RSU1: variants seen among roughly 807,000 people sequenced by gnomAD.
The protein encoded by RSU1 is rsu-1.
Under a neutral mutation model 31.1 loss-of-function variants are expected in RSU1, and 26 were observed. The ratio of observed to expected loss-of-function variants is 0.84; its 90% CI spans 0.61 to 1.16. RSU1 has a LOEUF of 1.16. Among genes scored for constraint, RSU1 ranks in the 50% most tolerant of loss-of-function variants. The pLI is 0.00. For synonymous variants in RSU1, 164 were observed against 136.3 expected, an observed-to-expected ratio of 1.20 and a Z score of -1.41; for missense variants, 320 against 339.1, an observed-to-expected ratio of 0.94 and a Z score of 0.44.
At chr10:16,774,305 G>A (rs1451910667) in intron 3 of RSU1, among the ~76,000 whole-genome samples, 1 of 152,096 alleles carries the variant, frequency 6.6e-6, no homozygotes, top group Non-Finnish European at 1.5e-5. Flanking sequence ...AATCTCCAAG[G>A]AGCATCTCCT....
intron 7 of RSU1, chr10:16,727,118 T>C (rs1564334377): frequency 8.8e-6 from 4 of 456,644 alleles, no homozygotes; most frequent in African/African-American, 2.0e-5. Context: ...TTTGCCAAGA[T>C]GCCTACCACA....
intron 3 of RSU1, among the ~76,000 whole-genome samples, chr10:16,774,904 G>C (rs1227423667): frequency 6.6e-6 from 1 of 152,120 alleles, no homozygotes; most frequent in East Asian, 1.9e-4. Flanking sequence ...AGGAGTTTGA[G>C]TCCAGCCTGG....
At chr10:16,595,768 A>C (rs1833600441) in intron 8 of RSU1, among the ~76,000 whole-genome samples, 1 of 152,058 alleles carries the variant, frequency 6.6e-6, no homozygotes, top group Non-Finnish European at 1.5e-5. Context: ...AGAGATGGAG[A>C]CCATCCTGGC....
chr10:16,728,963 C>T (rs1030242300), intron 7 of RSU1, among the ~76,000 whole-genome samples: 1 of 152,224 alleles, frequency 6.6e-6, no homozygotes, highest in Non-Finnish European at 1.5e-5. Context: ...CAGACTTCCG[C>T]CCTCCAGAAG....
intron 8 of RSU1, among the ~76,000 whole-genome samples, chr10:16,664,174 A>AGGCTTTAT (rs1416769828): frequency 2.0e-5 from 3 of 152,180 alleles, no homozygotes; most frequent in Admixed American, 2.0e-4. Context: ...TAAGGAAGAA[A>AGGCTTTAT]GGCTTTATGT....
chr10:16,695,192 T>C, intron 7 of RSU1, 37 bp from the exon 8 acceptor site: 1 of 1,571,854 alleles, frequency 6.4e-7, no homozygotes, highest in Non-Finnish European at 8.7e-7. Context: ...GGTCACTTCA[T>C]CCAATACAGA....
Position 16,764,740 on chromosome 10 carries a change from T to C in RSU1, c.161-230A>G, listed in dbSNP as rs190741683. ...TATATGGTTAGCTAAGTGCTTGGCATAGTTTGTTTCAGATGGACAATGAGG... is the reference window on the plus strand; with the variant it reads ...TATATGGTTAGCTAAGTGCTTGGCACAGTTTGTTTCAGATGGACAATGAGG... On this transcript the variant is annotated intron_variant, in intron 3 of 8. Transcript: ENST00000345264. 2.1e-3 allele frequency among the ~76,000 whole-genome samples: 321 copies of C among 152,218 alleles called. 3 individuals are homozygous for C. Among genetic ancestry groups the C allele is most frequent in the African/African-American group, 7.2e-3 (300 of 41,516 alleles).
chr10:16,676,163 G>A (rs1389855504), intron 8 of RSU1, among the ~76,000 whole-genome samples: 2 of 152,104 alleles, frequency 1.3e-5, no homozygotes, highest in African/African-American at 4.8e-5. Context: ...AATAACACAG[G>A]TTGATCCCTG....
At chr10:16,594,223 G>A (rs1588664315) in intron 8 of RSU1, among the ~76,000 whole-genome samples, 1 of 152,134 alleles carries the variant, frequency 6.6e-6, no homozygotes, top group Non-Finnish European at 1.5e-5. Context: ...AGAGAGCCTG[G>A]TGGGTGTCTC....
chr10:16,733,342 A>T (rs1836555086), intron 7 of RSU1, among the ~76,000 whole-genome samples: 1 of 149,926 alleles, frequency 6.7e-6, no homozygotes, highest in Non-Finnish European at 1.5e-5. Context: ...ATAAAAAAAA[A>T]AAAAAAAAAA....
intron 4 of RSU1, among the ~76,000 whole-genome samples, chr10:16,763,730 C>T (rs542416763): frequency 3.3e-5 from 5 of 152,316 alleles, no homozygotes; most frequent in East Asian, 1.9e-4. Flanking sequence ...TTTGAAAAGG[C>T]TTGGCTTCCT....
At chr10:16,647,604 T>C (rs906375139) in intron 8 of RSU1, among the ~76,000 whole-genome samples, 1 of 152,162 alleles carries the variant, frequency 6.6e-6, no homozygotes, top group African/African-American at 2.4e-5. Flanking sequence ...TCCATTTATA[T>C]GAAATGTCCA....
chr10:16,664,875 T>C (rs1421073229), intron 8 of RSU1, among the ~76,000 whole-genome samples: 1 of 152,154 alleles, frequency 6.6e-6, no homozygotes, highest in African/African-American at 2.4e-5. Flanking sequence ...TGATATACTA[T>C]TATTAACACT....
At chr10:16,610,482 G>A (rs978887568) in intron 8 of RSU1, among the ~76,000 whole-genome samples, 4 of 152,216 alleles carry the variant, frequency 2.6e-5, no homozygotes, top group Non-Finnish European at 5.9e-5. Flanking sequence ...TAGGTGGTGA[G>A]TGGCAGGCGA....
At chr10:16,799,418 C>A (rs1209054173) in intron 2 of RSU1, among the ~76,000 whole-genome samples, 1 of 152,152 alleles carries the variant, frequency 6.6e-6, no homozygotes, top group African/African-American at 2.4e-5. Context: ...AGCAGAAATA[C>A]CTGCTGGAGC....
At chr10:16,667,479 C>T (rs188048963) in intron 8 of RSU1, among the ~76,000 whole-genome samples, 197 of 152,020 alleles carry the variant, frequency 1.3e-3, no homozygotes, top group Middle Eastern at 3.4e-3. Flanking sequence ...GCCATTAACT[C>T]TATTATTTAT....
At chr10:16,734,916 G>T (rs1046087287) in intron 7 of RSU1, among the ~76,000 whole-genome samples, 1 of 152,188 alleles carries the variant, frequency 6.6e-6, no homozygotes, top group Non-Finnish European at 1.5e-5. Context: ...GAAGGGCAAA[G>T]CTGAACACAG....
At chr10:16,683,171 G>A (rs1835368340) in intron 8 of RSU1, among the ~76,000 whole-genome samples, 1 of 151,618 alleles carries the variant, frequency 6.6e-6, no homozygotes, top group Non-Finnish European at 1.5e-5. Flanking sequence ...GTGTGTGTGT[G>A]TGTGTGTGTG....
At chr10:16,649,331 G>A (rs1409518832) in intron 8 of RSU1, among the ~76,000 whole-genome samples, 1 of 152,118 alleles carries the variant, frequency 6.6e-6, no homozygotes, top group Non-Finnish European at 1.5e-5. Context: ...AACAATTGGA[G>A]TAGCTTATTT....
Sources: gnomAD v4.1 joint callset for allele counts (sites outside exome capture counted in the v4.1 genomes callset) on GRCh38, gnomAD v4.1.1 for gene constraint, MANE v1.5 for transcripts, NCBI Gene and HGNC (gene_info 2026-07-23, HGNC 2026-07-21) for gene names.